Variants in SPATA6L observed in about 807,000 individuals in gnomAD.
SPATA6L encodes the protein spermatogenesis associated 6 like, also known as spermatogenesis associated 6-like protein.
Under a neutral mutation model 49.2 loss-of-function variants are expected in SPATA6L, and 68 were observed. That is an observed-to-expected ratio of 1.38 (90% confidence interval 1.14 to 1.69). The LOEUF is 1.69. Ranked by LOEUF, SPATA6L falls within the 40% of genes most tolerant of loss-of-function variation. The pLI, the probability that SPATA6L is intolerant of heterozygous loss-of-function variation, is 0.00. For synonymous variants in SPATA6L, 198 were observed against 165.7 expected (o/e 1.19, Z -1.50); for missense variants, 668 against 464.3 (o/e 1.44, Z -4.03).
At chr9:4,646,304 C>G (rs1434427813) in intron 3 of SPATA6L, 1 of 395,496 alleles carries the variant, frequency 2.5e-6, no homozygotes, top group Non-Finnish European at 4.4e-6. Context: ...AGTTATTATT[C>G]TGAAAATAGA....
At chr9:4,597,889 C>G (rs1007062585), downstream of SPATA6L, among the ~76,000 whole-genome samples, 1 of 152,188 alleles carries the variant, frequency 6.6e-6, no homozygotes, top group Non-Finnish European at 1.5e-5. Context: ...CTCCAGAGAG[C>G]CCAGCGGGCT....
rs934801626 is a variant in SPATA6L at position 4,662,221 on chromosome 9, C to T, written c.40-185G>A. The T allele has an allele frequency of 1.4e-6, 2 of 1,434,720 alleles. No individual in the cohort carries two copies. The highest frequency in any genetic ancestry group is 2.8e-5 in the Admixed American group (1 of 35,158). 88.9% of individuals were successfully genotyped at this position (1,434,720 alleles called of 1,614,324 possible). A position where few individuals can be genotyped will look rare whatever the true frequency, so the allele number is the denominator to read the frequency against. ...GCTCTCCTCACATTGGAAATTCCAA[C>T]TCCCTCCCACGTCTCCACCAGGTGT... On this transcript the variant is annotated intron_variant, in intron 1 of 11. Transcript: ENST00000682582. The surrounding 1 kb of genome is among the most constrained non-coding windows in gnomAD (Gnocchi z 4.9).
intron 5 of SPATA6L, chr9:4,626,622 T>C: frequency 8.3e-7 from 1 of 1,208,378 alleles, no homozygotes; most frequent in South Asian, 1.4e-5. Flanking sequence ...TCTTTCAGTC[T>C]TTCTTTCAAC....
In SPATA6L at chr9:4,661,951, C is replaced by A; in HGVS notation, c.125G>T (p.Ser42Ile). 1 of 1,614,026 alleles carries A rather than the reference C, an allele frequency of 6.2e-7. No homozygotes were observed. The highest frequency in any genetic ancestry group is 8.5e-7 in the Non-Finnish European group (1 of 1,179,904). ...YLMNQYLETN[S>I]FPSAFPIMIQ... ...CATAATGGGGAACGCAGAGGGAAAG[C>A]TGTTGGTCTCCAGGTACTGATTCAT... is the stretch of plus-strand genomic sequence containing the variant. Residue 42 changes from serine to isoleucine, a missense_variant, in exon 2 of 12, where the codon AGC becomes ATC. By Grantham distance (142) the Ser-to-Ile change is moderately radical (BLOSUM62 -2). Coordinates refer to ENST00000682582, the MANE Select transcript of SPATA6L (RefSeq NM_001353486.2).
At chr9:4,589,436 G>C (rs182111050) in intron 13 of SPATA6L, among the ~76,000 whole-genome samples, 1 of 152,176 alleles carries the variant, frequency 6.6e-6, no homozygotes. Context: ...TGCTGGCTGG[G>C]TTATCACAGC....
At chr9:4,593,449 C>T (rs1822036243), downstream of SPATA6L, among the ~76,000 whole-genome samples, 2 of 152,148 alleles carry the variant, frequency 1.3e-5, no homozygotes, top group South Asian at 4.1e-4. Flanking sequence ...CAACTCTCCC[C>T]AAAATCCCTT....
intron 3 of SPATA6L, among the ~76,000 whole-genome samples, chr9:4,639,711 T>C (rs1833620195): frequency 1.3e-5 from 2 of 152,196 alleles, no homozygotes; most frequent in African/African-American, 4.8e-5. Context: ...GACAGTGACA[T>C]CATCAATGGC....
At chr9:4,606,358 CA>C (rs1160576820) in intron 9 of SPATA6L, among the ~76,000 whole-genome samples, 1 of 136,942 alleles carries the variant, frequency 7.3e-6, no homozygotes, top group Non-Finnish European at 1.5e-5. Context: ...CACAGACAAA[CA>C]AAAAGACAGC....
At chr9:4,651,890 T>C (rs1288381502) in intron 3 of SPATA6L, among the ~76,000 whole-genome samples, 1 of 152,100 alleles carries the variant, frequency 6.6e-6, no homozygotes, top group Non-Finnish European at 1.5e-5. Context: ...TATCAGGAAA[T>C]AGATAAGGAT....
chr9:4,631,541 C>A (rs1831546829), intron 4 of SPATA6L, among the ~76,000 whole-genome samples: 1 of 151,854 alleles, frequency 6.6e-6, no homozygotes. Context: ...TAAAAAAATT[C>A]TTGACCTCAC....
Position 4,646,044 on chromosome 9 carries a change from C to T in SPATA6L, c.226+9997G>A, listed in dbSNP as rs144755840. 3.3e-5 allele frequency among the ~76,000 whole-genome samples: 5 copies of T among 152,122 alleles called. No individual in the cohort carries two copies. In the East Asian group the frequency reaches 9.6e-4, roughly 29 times the overall value. On this transcript the variant is annotated intron_variant, in intron 3 of 11. Coordinates refer to ENST00000682582, the MANE Select transcript of SPATA6L (RefSeq NM_001353486.2). Reference sequence around the variant, plus strand: ...TAGTTCACGGGCCATACAACAATGGCCTACAGGCTGGATTTGGCTGGGGAC... The same window carrying T: ...TAGTTCACGGGCCATACAACAATGGTCTACAGGCTGGATTTGGCTGGGGAC...
intron 4 of SPATA6L, among the ~76,000 whole-genome samples, chr9:4,629,739 A>T (rs1235092519): frequency 7.3e-6 from 1 of 137,274 alleles, no homozygotes; most frequent in Non-Finnish European, 1.5e-5. Context: ...ACTGTCTAAA[A>T]TATTGTGTTT....
intron 13 of SPATA6L, among the ~76,000 whole-genome samples, chr9:4,591,876 T>C (rs144478283): frequency 6.6e-6 from 1 of 152,188 alleles, no homozygotes; most frequent in Non-Finnish European, 1.5e-5. Flanking sequence ...TTGGGCATCA[T>C]TACCTTTCCT....
At chr9:4,663,061 T>C (rs1476163232) in intron 1 of SPATA6L, 1 of 1,614,006 alleles carries the variant, frequency 6.2e-7, no homozygotes, top group South Asian at 1.1e-5. Context: ...CTGAACCACC[T>C]GGTGCTGGCC....
At chr9:4,629,769 G>GTGTGTGTGTGTGTATATATATATA (rs1311805859) in intron 4 of SPATA6L, among the ~76,000 whole-genome samples, 32 of 101,912 alleles carry the variant, frequency 3.1e-4, no homozygotes, top group African/African-American at 9.9e-4. Flanking sequence ...GTGTGTGTGT[G>GTGTGTGTGTGTGTATATATATATA]TATATATATA....
intron 13 of SPATA6L, among the ~76,000 whole-genome samples, chr9:4,592,852 T>C (rs1821998243): frequency 6.6e-6 from 1 of 152,224 alleles, no homozygotes; most frequent in Admixed American, 6.5e-5. Context: ...GCATAGACTT[T>C]GGTGATGGTT....
At chr9:4,627,866 C>T (rs1223939900) in intron 5 of SPATA6L, 2 of 1,194,970 alleles carry the variant, frequency 1.7e-6, no homozygotes, top group Non-Finnish European at 2.2e-6. Context: ...CCTAAGTGTC[C>T]ATCAACAGAT....
rs576153401 is a variant in SPATA6L at position 4,619,751 on chromosome 9, T to C, written c.773-853A>G. 3.3e-5 allele frequency among the ~76,000 whole-genome samples: 5 copies of C among 152,014 alleles called. No individual in the cohort carries two copies. The South Asian group carries it at 8.3e-4, about 25-fold the overall frequency. Reference sequence around the variant, plus strand: ...TAAAAGCTTGGAGAAATATAGAACATAGCAAAAATGGAAATCACTATCATG... The same window carrying C: ...TAAAAGCTTGGAGAAATATAGAACACAGCAAAAATGGAAATCACTATCATG... On this transcript the variant is annotated intron_variant, in intron 7 of 11. Coordinates refer to ENST00000682582, the MANE Select transcript of SPATA6L (RefSeq NM_001353486.2).
chr9:4,610,284 T>G (rs1352419447), intron 9 of SPATA6L, among the ~76,000 whole-genome samples: 4 of 148,972 alleles, frequency 2.7e-5, no homozygotes, highest in Non-Finnish European at 4.5e-5. Context: ...TTCACAGAAT[T>G]GGAAAAAACT....
Sources: gnomAD v4.1 joint callset for allele counts (sites outside exome capture counted in the v4.1 genomes callset) on GRCh38, gnomAD v4.1.1 for gene constraint, Gnocchi (gnomAD v3.1) non-coding constraint, MANE v1.5 for transcripts, NCBI Gene and HGNC (gene_info 2026-07-23, HGNC 2026-07-21) for gene names.